The following CSN1S1 variants were observed in gnomAD, a reference collection of about 807,000 sequenced individuals.
CSN1S1 encodes the protein alpha-S1-casein.
CSN1S1 carries 63 observed loss-of-function variants against 49.1 expected under a neutral mutation model. The ratio of observed to expected loss-of-function variants is 1.28; its 90% CI spans 1.05 to 1.58. The LOEUF (loss-of-function observed/expected upper bound fraction) is 1.58. Among genes scored for constraint, CSN1S1 ranks in the 40% most tolerant of loss-of-function variants. CSN1S1 has a pLI of 0.00. For synonymous variants in CSN1S1, 78 were observed against 67.1 expected (o/e 1.16, Z -0.79); for missense variants, 260 against 224.7 (o/e 1.16, Z -1.01).
rs35000195 is a variant in CSN1S1 at position 69,940,111 on chromosome 4, T to TCACACA, written c.300+101_300+106dup. On this transcript the variant is annotated intron_variant, in intron 11 of 15. Coordinates refer to ENST00000246891, the MANE Select transcript of CSN1S1 (RefSeq NM_001890.2). ...CAGGATAATTAAAATGCACTTACTT[T>TCACACA]CACACACACACACACACACACACAC... is the stretch of plus-strand genomic sequence containing the variant. 248 of 405,334 alleles carry TCACACA rather than the reference T, an allele frequency of 6.1e-4. 1 individual carries two copies. The highest frequency in any genetic ancestry group is 4.1e-3 in the African/African-American group (185 of 44,862). 25.1% of individuals were successfully genotyped at this position (405,334 alleles called of 1,614,324 possible). A position where few individuals can be genotyped will look rare whatever the true frequency, so the allele number is the denominator to read the frequency against.
At position 69,942,577 on chromosome 4, in the gene CSN1S1, G is replaced by A. The variant is rs1239779800; in HGVS notation, c.402G>A (p.Val134=). 1.9e-6 allele frequency: 3 copies of A among 1,582,000 alleles called. No individual in the cohort carries two copies. Among genetic ancestry groups the A allele is most frequent in the East Asian group, 2.3e-5 (1 of 43,720 alleles). Residue 134 remains valine (V), a splice_region_variant and synonymous_variant, in exon 14 of 16, where the codon GTG becomes GTA. Transcript: ENST00000246891. ...RRMNENSHVQ[V]PFQQLNQLAA... ...TGAATGAAAACAGCCATGTCCAAGT[G>A]GTAATATTTTGCTTAATATATTACA... is the stretch of plus-strand genomic sequence containing the variant.
In CSN1S1 at chr4:69,944,965, A is replaced by G. The variant is rs1723113153; in HGVS notation, c.518A>G (p.His173Arg). Reference sequence around the variant, plus strand: ...TCCGACATCTCCAATCCCACTGCTCATGAAAATTATGAAAAAAATAACGTC... The same window carrying G: ...TCCGACATCTCCAATCCCACTGCTCGTGAAAATTATGAAAAAAATAACGTC... ...PFSDISNPTA[H>R]ENYEKNNVML... Residue 173 changes from histidine (H) to arginine (R), a missense_variant, in exon 15 of 16, where the codon CAT becomes CGT. Transcript: ENST00000246891. 2 of 1,612,802 alleles carry G rather than the reference A, an allele frequency of 1.2e-6. No individual in the cohort carries two copies. Among genetic ancestry groups the G allele is most frequent in the East Asian group, 2.2e-5 (1 of 44,822 alleles).
chr4:69,934,744 C>A, intron 4 of CSN1S1, 34 bp downstream of exon 4: 1 of 1,588,756 alleles, frequency 6.3e-7, no homozygotes, highest in Non-Finnish European at 8.6e-7. Flanking sequence ...AGGATTCTCT[C>A]TTCCTTTTGC....
chr4:69,938,243 T>C (rs1475798213), intron 9 of CSN1S1, among the ~76,000 whole-genome samples: 1 of 151,778 alleles, frequency 6.6e-6, no homozygotes. Context: ...GTATGTAAGA[T>C]TTTTACATGA....
intron 15 of CSN1S1, among the ~76,000 whole-genome samples, chr4:69,945,277 A>T (rs1240351307): frequency 6.6e-6 from 1 of 152,054 alleles, no homozygotes; most frequent in African/African-American, 2.4e-5. Context: ...TTTTCAAGTT[A>T]AAAATATAAA....
chr4:69,934,496 A>G (rs941903841), intron 3 of CSN1S1, among the ~76,000 whole-genome samples, 194 bp from the exon 4 acceptor site: 2 of 152,156 alleles, frequency 1.3e-5, no homozygotes, highest in Non-Finnish European at 2.9e-5. Flanking sequence ...GAATGTGTTA[A>G]CATGTTTATT....
rs183195100 is a variant in CSN1S1 at position 69,944,453 on chromosome 4, C to T, written c.403-397C>T. Among the ~76,000 whole-genome samples, 269 of 152,024 alleles carry T rather than the reference C, an allele frequency of 1.8e-3. 1 individual carries two copies. The highest frequency in any genetic ancestry group is 6.2e-3 in the African/African-American group (258 of 41,510). On this transcript the variant is annotated intron_variant, in intron 14 of 15. Coordinates refer to ENST00000246891, the MANE Select transcript of CSN1S1 (RefSeq NM_001890.2). ...CCTGGGTGCGGGGCCTGTACTTTGA[C>T]CCCAGTGGCTTTAAGGAAAATTATA... is the stretch of plus-strand genomic sequence containing the variant.
chr4:69,943,163 ATATTATTATTATTAT>A (rs3078677), intron 14 of CSN1S1, among the ~76,000 whole-genome samples: 6,866 of 144,838 alleles, frequency 0.047, 231 homozygotes, highest in African/African-American at 0.094. Flanking sequence ...TTCCATGTGA[ATATTATTATTATTAT>A]TATTATTATT....
In CSN1S1 at chr4:69,932,581, T is replaced by C. The variant is rs1722641566; in HGVS notation, c.26T>C (p.Leu9Pro). 6 of 1,603,032 alleles carry C rather than the reference T, an allele frequency of 3.7e-6. No individual in the cohort carries two copies. Among genetic ancestry groups the C allele is most frequent in the Non-Finnish European group, 5.1e-6 (6 of 1,173,668 alleles). The change falls in exon 2 of 16, where the codon CTT (leucine) becomes CCT (proline). Residue 9 changes from leucine (L) to proline (P), a missense_variant. Coordinates refer to ENST00000246891, the MANE Select transcript of CSN1S1 (RefSeq NM_001890.2). MRLLILTC[L>P]VAVALARPKL... is the part of the protein sequence containing the mutation. ...ATGAGGCTTCTCATTCTCACCTGTC[T>C]TGTGGCTGTTGCTCTTGCCAGGCCT...
Position 69,941,012 on chromosome 4 carries a change from T to TA in CSN1S1, c.301-4dup, listed in dbSNP as rs766830778. The TA allele has an allele frequency of 1.5e-4, 225 of 1,482,504 alleles. 2 individuals are homozygous for TA. The highest frequency in any genetic ancestry group is 6.2e-5 in the South Asian group (5 of 80,536). 91.8% of individuals were successfully genotyped at this position (1,482,504 alleles called of 1,614,324 possible). A position where few individuals can be genotyped will look rare whatever the true frequency, so the allele number is the denominator to read the frequency against. On this transcript the variant is annotated splice_polypyrimidine_tract_variant and splice_region_variant and intron_variant, in intron 11 of 15. Transcript: ENST00000246891. Reference sequence around the variant, plus strand: ...AAGCAATTGAGAATATTTTTCTTTTTAAATAGGAACAGTTTTGTAGACTGA... The same window carrying TA: ...AAGCAATTGAGAATATTTTTCTTTTTAAAATAGGAACAGTTTTGTAGACTGA...
At chr4:69,931,905 A>T (rs1218962613) in intron 1 of CSN1S1, among the ~76,000 whole-genome samples, 1 of 151,972 alleles carries the variant, frequency 6.6e-6, no homozygotes, top group East Asian at 1.9e-4. Flanking sequence ...TTTTGATTCT[A>T]TCCAATTCAA....
Position 69,937,263 on chromosome 4 carries a change from A to G in CSN1S1, c.219+119A>G, listed in dbSNP as rs188935648. On this transcript the variant is annotated intron_variant, in intron 8 of 15. Coordinates refer to ENST00000246891, the MANE Select transcript of CSN1S1 (RefSeq NM_001890.2). ...TGGCAGATAACTCTAATTCAAAGAAAGAAAAGAAATAGTGTATCATACATT... is the reference window on the plus strand; with the variant it reads ...TGGCAGATAACTCTAATTCAAAGAAGGAAAAGAAATAGTGTATCATACATT... 4.0e-6 allele frequency: 3 copies of G among 749,488 alleles called. No homozygotes were observed. The Admixed American group carries it at 9.5e-5, about 24-fold the overall frequency. 46.4% of individuals were successfully genotyped at this position (749,488 alleles called of 1,614,324 possible). A position where few individuals can be genotyped will look rare whatever the true frequency, so the allele number is the denominator to read the frequency against.
chr4:69,944,122 A>C (rs1174385682), intron 14 of CSN1S1, among the ~76,000 whole-genome samples: 1 of 151,976 alleles, frequency 6.6e-6, no homozygotes, highest in African/African-American at 2.4e-5. Context: ...TAATCTTTAC[A>C]TAGGCAGGTG....
chr4:69,945,180 A>C (rs901520021), intron 15 of CSN1S1, among the ~76,000 whole-genome samples, 176 bp downstream of exon 15: 1 of 152,046 alleles, frequency 6.6e-6, no homozygotes, highest in African/African-American at 2.4e-5. Context: ...ACCTGTGGCT[A>C]ATATTATCAA....
chr4:69,941,737 C>T (rs984420705), intron 12 of CSN1S1, among the ~76,000 whole-genome samples: 28 of 151,832 alleles, frequency 1.8e-4, no homozygotes, highest in African/African-American at 6.8e-4. Context: ...TTTCCATTTT[C>T]AGGTAACTTG....
At chr4:69,934,318 C>A in intron 3 of CSN1S1, 74 bp downstream of exon 3, 2 of 1,368,968 alleles carry the variant, frequency 1.5e-6, no homozygotes, top group South Asian at 1.2e-5. Context: ...CGCTTCCCTT[C>A]TCTATGAAAC....
chr4:69,939,457 T>A (rs1722906120), intron 10 of CSN1S1, among the ~76,000 whole-genome samples: 1 of 151,808 alleles, frequency 6.6e-6, no homozygotes. Context: ...CAAATTATTT[T>A]TTTAACCAAT....
At chr4:69,936,125 G>A (rs1452592609) in intron 5 of CSN1S1, among the ~76,000 whole-genome samples, 176 bp downstream of exon 5, 3 of 151,848 alleles carry the variant, frequency 2.0e-5, no homozygotes, top group South Asian at 2.1e-4. Flanking sequence ...ACACAAAGAA[G>A]GAGTAGGGAA....
rs1560392959 is a variant in CSN1S1 at position 69,946,388 on chromosome 4, G to A, written c.*192G>A. The A allele has an allele frequency of 1.1e-5, 3 of 285,590 alleles. No individual in the cohort carries two copies. Among genetic ancestry groups the A allele is most frequent in the South Asian group, 1.4e-4 (1 of 7,306 alleles). The allele number at this position is 285,590 out of a possible 1,614,324, so 17.7% of individuals were successfully genotyped here. A position where few individuals can be genotyped will look rare whatever the true frequency, so the allele number is the denominator to read the frequency against. The stretch of plus-strand genomic sequence containing the variant: ...TAGAGAGTTTATTGTCTAAATTTCA[G>A]TTGTGTCTTGCCATATGGAGGGCAC... On this transcript the variant is annotated 3_prime_UTR_variant, in exon 16 of 16. Transcript: ENST00000246891.
Sources: gnomAD v4.1 joint callset for allele counts (sites outside exome capture counted in the v4.1 genomes callset) on GRCh38, gnomAD v4.1.1 for gene constraint, MANE v1.5 for transcripts, NCBI Gene and HGNC (gene_info 2026-07-23, HGNC 2026-07-21) for gene names.